Variants in C7orf78 observed in about 807,000 individuals in gnomAD.
C7orf78 encodes chromosome 7 open reading frame 78.
the C7orf78 span, among the ~76,000 whole-genome samples, chr7:12,520,344 T>G: frequency 6.6e-6 from 1 of 152,362 alleles, no homozygotes; most frequent in South Asian, 2.1e-4. Flanking sequence ...ACATTCAAGA[T>G]ATTTCTAATT....
the C7orf78 span, among the ~76,000 whole-genome samples, chr7:12,503,275 A>T: frequency 6.6e-6 from 1 of 151,976 alleles, no homozygotes; most frequent in African/African-American, 2.4e-5. Context: ...AAAGAAAAAA[A>T]ATATTTATGG....
At chr7:12,504,717 A>T in the C7orf78 span, among the ~76,000 whole-genome samples, 1 of 152,120 alleles carries the variant, frequency 6.6e-6, no homozygotes, top group East Asian at 1.9e-4. Flanking sequence ...ATGATATAAT[A>T]AATAAATAAG....
At chr7:12,510,243 G>T in the C7orf78 span, among the ~76,000 whole-genome samples, 3 of 151,858 alleles carry the variant, frequency 2.0e-5, no homozygotes, top group Non-Finnish European at 2.9e-5. Context: ...TCCAGCAGTG[G>T]CAGGATCATG....
the C7orf78 span, chr7:12,528,777 A>G: frequency 1.0e-5 from 4 of 394,606 alleles, no homozygotes; most frequent in Admixed American, 4.4e-5. Flanking sequence ...TTAGATTTAC[A>G]TCTATAAATT....
At chr7:12,525,972 C>A in the C7orf78 span, 1 of 393,404 alleles carries the variant, frequency 2.5e-6, no homozygotes, top group South Asian at 1.4e-4. Context: ...GTAGTAAATT[C>A]ATAGGCTTAA....
At chr7:12,515,947 T>C in the C7orf78 span, among the ~76,000 whole-genome samples, 6 of 152,308 alleles carry the variant, frequency 3.9e-5, no homozygotes, top group East Asian at 1.2e-3. Flanking sequence ...TCAGAAAATT[T>C]GCAGCCTGAC....
At chr7:12,539,579 T>A in the C7orf78 span, among the ~76,000 whole-genome samples, 1 of 152,110 alleles carries the variant, frequency 6.6e-6, no homozygotes, top group Non-Finnish European at 1.5e-5. Context: ...AAAAGCCCCA[T>A]AGGGATAGAA....
At chr7:12,496,336 T>C in the C7orf78 span, 1 of 152,230 alleles carries the variant, frequency 6.6e-6, no homozygotes, top group Non-Finnish European at 1.5e-5. Context: ...ATAATTGAAG[T>C]CAGTTGGCCA....
chr7:12,540,338 C>A, the C7orf78 span, among the ~76,000 whole-genome samples: 1 of 152,184 alleles, frequency 6.6e-6, no homozygotes, highest in Non-Finnish European at 1.5e-5. Context: ...GGTGCTAATA[C>A]AGAAGGAAAA....
At chr7:12,528,933 A>G in the C7orf78 span, 1 of 398,456 alleles carries the variant, frequency 2.5e-6, no homozygotes, top group Non-Finnish European at 4.4e-6. Context: ...AAGATGATAA[A>G]CAGAAGACTA....
At chr7:12,506,966 C>T in the C7orf78 span, 1 of 473,518 alleles carries the variant, frequency 2.1e-6, no homozygotes, top group South Asian at 1.5e-5. Context: ...TGAACAAAGA[C>T]AACATGAGGA....
the C7orf78 span, among the ~76,000 whole-genome samples, chr7:12,489,467 A>G: frequency 6.6e-6 from 1 of 152,138 alleles, no homozygotes; most frequent in Non-Finnish European, 1.5e-5. Flanking sequence ...AACTCAGTAG[A>G]TCCTTTTAAA....
chr7:12,537,655 G>A, the C7orf78 span, among the ~76,000 whole-genome samples: 1 of 152,054 alleles, frequency 6.6e-6, no homozygotes, highest in Non-Finnish European at 1.5e-5. Context: ...AGATATATTT[G>A]TATGCACTAA....
At chr7:12,486,172 A>C in the C7orf78 span, among the ~76,000 whole-genome samples, 1 of 152,116 alleles carries the variant, frequency 6.6e-6, no homozygotes. Flanking sequence ...ATCTTGAATA[A>C]GTTACTTAAC....
chr7:12,514,958 T>G, the C7orf78 span, among the ~76,000 whole-genome samples: 1 of 152,204 alleles, frequency 6.6e-6, no homozygotes, highest in Non-Finnish European at 1.5e-5. Context: ...TTCCTTCCTT[T>G]CCTGTAAGGT....
At chr7:12,517,475 T>G in the C7orf78 span, among the ~76,000 whole-genome samples, 3 of 152,222 alleles carry the variant, frequency 2.0e-5, no homozygotes, top group Non-Finnish European at 2.9e-5. Flanking sequence ...AATAGGTTTT[T>G]GAACACTTTT....
At chr7:12,506,577 T>C in the C7orf78 span, among the ~76,000 whole-genome samples, 1 of 151,982 alleles carries the variant, frequency 6.6e-6, no homozygotes, top group East Asian at 1.9e-4. Context: ...CACTCATACG[T>C]GGGAGTTCAA....
chr7:12,512,341 T>C, the C7orf78 span, among the ~76,000 whole-genome samples: 1 of 152,170 alleles, frequency 6.6e-6, no homozygotes, highest in African/African-American at 2.4e-5. Flanking sequence ...ATATGGCTTT[T>C]ATTATATTGA....
the C7orf78 span, among the ~76,000 whole-genome samples, chr7:12,517,931 T>G: frequency 6.6e-6 from 1 of 152,158 alleles, no homozygotes; most frequent in South Asian, 2.1e-4. Context: ...TTTTATTCCT[T>G]TGGGGGTGTC....
Sources: allele counts gnomAD v4.1 joint callset (sites outside exome capture counted in the v4.1 genomes callset), GRCh38; gene constraint gnomAD v4.1.1; transcripts MANE v1.5; gene names NCBI Gene and HGNC (gene_info 2026-07-23, HGNC 2026-07-21).